The following PACS2 variants were observed in gnomAD, a reference collection of about 807,000 sequenced individuals.
PACS2 encodes the protein PACS1-like protein.
PACS2 carries 36 observed loss-of-function variants against 113.0 expected under a neutral mutation model. That is an observed-to-expected ratio of 0.32 (90% CI 0.24 to 0.42). PACS2 has a LOEUF of 0.42. Among genes scored for constraint, PACS2 ranks in the 10% least tolerant of loss-of-function variants. The pLI is 1.00. For synonymous variants in PACS2, 589 were observed against 536.1 expected (o/e 1.10, Z -1.36); for missense variants, 1,015 against 1,239.5 (o/e 0.82, Z 2.72).
At chr14:105,339,684 A>C (rs2059653588) in intron 1 of PACS2, among the ~76,000 whole-genome samples, 1 of 151,690 alleles carries the variant, frequency 6.6e-6, no homozygotes, top group African/African-American at 2.4e-5. Context: ...TGACAGAGCA[A>C]GATTCTGTCT....
rs782288505 is a variant in PACS2, at chr14:105,392,698, G to T, written c.2335G>T (p.Ala779Ser). ...ACAGCCTGCGGACAGGAAGAGGGAC[G>T]CCGAGAAGAAGGACCTGCCTGTCAC... ...AAQPADRKRD[A>S]EKKDLPVTKN... is the part of the protein sequence containing the mutation. Residue 779 changes from alanine to serine, a missense_variant, in exon 23 of 25, where the codon GCC (alanine) becomes TCC (serine). Physicochemically the swap from Ala to Ser is moderately conservative, Grantham distance 99. Transcript: ENST00000447393. 28 of 1,612,874 alleles carry T rather than the reference G, an allele frequency of 1.7e-5. No individual in the cohort carries two copies. Among genetic ancestry groups the T allele is most frequent in the Non-Finnish European group, 2.3e-5 (27 of 1,179,958 alleles).
Position 105,365,163 on chromosome 14 carries a change from C to T in PACS2, c.424-2050C>T, listed in dbSNP as rs945333772. On this transcript the variant is annotated intron_variant, in intron 4 of 24. Coordinates refer to ENST00000447393, the MANE Select transcript of PACS2 (RefSeq NM_001100913.3). The surrounding 1 kb of genome is among the most constrained non-coding windows in gnomAD (Gnocchi z 5.1). ...CCACAGAGCATCTGCTGGACTAACC[C>T]GGGAGGGTGGTCTCAGGGTCAGCAG... 1.7e-4 allele frequency among the ~76,000 whole-genome samples: 26 copies of T among 152,314 alleles called. No individual in the cohort carries two copies. The highest frequency in any genetic ancestry group is 5.3e-4 in the African/African-American group (22 of 41,574).
chr14:105,352,670 C>T lies in PACS2; in HGVS notation c.297+203C>T, dbSNP rs1375001877. Among the ~76,000 whole-genome samples the T allele has an allele frequency of 2.1e-5, 3 of 145,670 alleles. No homozygotes were observed. In the East Asian group the frequency reaches 6.2e-4, roughly 30 times the overall value. On this transcript the variant is annotated intron_variant, in intron 3 of 24. Coordinates refer to ENST00000447393, the MANE Select transcript of PACS2 (RefSeq NM_001100913.3). ...AGACGGGCACCCCTCATCACCGTCCCCTGGGGCGACGGGCCCCGTCATCCC... is the reference window on the plus strand; with the variant it reads ...AGACGGGCACCCCTCATCACCGTCCTCTGGGGCGACGGGCCCCGTCATCCC...
chr14:105,385,187 A>C (rs1555413288), intron 18 of PACS2, among the ~76,000 whole-genome samples, 200 bp downstream of exon 18: 1 of 152,174 alleles, frequency 6.6e-6, no homozygotes, highest in African/African-American at 2.4e-5. Context: ...CCTCATAGTA[A>C]GCGCCATTTC....
Position 105,354,184 on chromosome 14 carries a change from TTCACAA to T in PACS2, c.298-867_298-862del. Among the ~76,000 whole-genome samples, 3 of 151,992 alleles carry T rather than the reference TTCACAA, an allele frequency of 2.0e-5. No homozygotes were observed. Among genetic ancestry groups the T allele is most frequent in the African/African-American group, 7.3e-5 (3 of 41,366 alleles). On this transcript the variant is annotated intron_variant, in intron 3 of 24. Coordinates refer to ENST00000447393, the MANE Select transcript of PACS2 (RefSeq NM_001100913.3). The surrounding 1 kb of genome is among the most constrained non-coding windows in gnomAD (Gnocchi z 4.2). ...TTAAAAAGATAGGGGAAACTCAGAG[TTCACAA>T]GCAATCCCAGCTCTTCGGGAGGCTG...
intron 8 of PACS2, chr14:105,372,518 C>T (rs2061194552): frequency 6.6e-6 from 1 of 152,140 alleles, no homozygotes; most frequent in African/African-American, 2.4e-5. Context: ...CTGAACTGTA[C>T]ACCTAAAAAT....
chr14:105,369,621 C>T (rs1271808805), intron 7 of PACS2, among the ~76,000 whole-genome samples: 4 of 152,216 alleles, frequency 2.6e-5, no homozygotes, highest in Admixed American at 6.5e-5. Flanking sequence ...AGTCCGCACA[C>T]GCCTCCCCGG....
At chr14:105,333,842 C>G (rs2059397475) in intron 1 of PACS2, among the ~76,000 whole-genome samples, 1 of 152,216 alleles carries the variant, frequency 6.6e-6, no homozygotes, top group African/African-American at 2.4e-5. Context: ...CGGAGGCCTG[C>G]AGTGTGAGGC....
upstream of PACS2, among the ~76,000 whole-genome samples, chr14:105,310,533 C>CAAA (rs764203821): frequency 1.9e-3 from 146 of 78,592 alleles, 1 homozygote; most frequent in Middle Eastern, 9.6e-3. Context: ...GACTCTGTCT[C>CAAA]AAAAAAAAAA....
intron 4 of PACS2, among the ~76,000 whole-genome samples, chr14:105,363,452 G>A (rs782143238): frequency 5.9e-5 from 9 of 152,192 alleles, no homozygotes; most frequent in Non-Finnish European, 1.3e-4. Flanking sequence ...TTTCTGTTAT[G>A]GAGACGGCTG....
intron 1 of PACS2, among the ~76,000 whole-genome samples, chr14:105,303,454 A>G (rs2058094042): frequency 6.6e-6 from 1 of 152,098 alleles, no homozygotes; most frequent in Admixed American, 6.6e-5. Flanking sequence ...TGTGTTAGCC[A>G]GGATGGTCTT....
intron 1 of PACS2, among the ~76,000 whole-genome samples, chr14:105,327,230 C>T (rs1037809763): frequency 6.6e-6 from 1 of 152,148 alleles, no homozygotes; most frequent in African/African-American, 2.4e-5. Context: ...GCCTCAGAAG[C>T]GAGGGGGAAG....
chr14:105,319,167 C>A (rs948549800), intron 1 of PACS2, among the ~76,000 whole-genome samples: 1 of 151,562 alleles, frequency 6.6e-6, no homozygotes, highest in Non-Finnish European at 1.5e-5. Flanking sequence ...AGGATGGTCT[C>A]GATCTCTTGA....
upstream of PACS2, among the ~76,000 whole-genome samples, chr14:105,313,057 G>T (rs143538133): frequency 3.3e-5 from 5 of 152,160 alleles, no homozygotes; most frequent in Admixed American, 3.3e-4. Flanking sequence ...GAGGGGCACC[G>T]CTCAATGGTG....
At chr14:105,307,456 C>T (rs904377957) in intron 1 of PACS2, among the ~76,000 whole-genome samples, 3 of 152,212 alleles carry the variant, frequency 2.0e-5, no homozygotes, top group African/African-American at 4.8e-5. Flanking sequence ...CCTTCACCCC[C>T]TCCCTGTCCT....
intron 1 of PACS2, among the ~76,000 whole-genome samples, chr14:105,327,994 C>G (rs2059184053): frequency 6.6e-6 from 1 of 152,266 alleles, no homozygotes; most frequent in African/African-American, 2.4e-5. Flanking sequence ...CTCACCGGCC[C>G]AGGCCACCCG....
rs2058975502 is a variant in PACS2, at chr14:105,323,503, C to T, written c.119+8466C>T. On this transcript the variant is annotated intron_variant, in intron 1 of 24. Transcript: ENST00000447393. The surrounding 1 kb of genome is among the most constrained non-coding windows in gnomAD (Gnocchi z 4.1). ...TGCTCGGTGCTGCCCAGAGCCTGCA[C>T]AGTGTAGCTCCTTGGCGGACGTTCC... 6.6e-6 allele frequency among the ~76,000 whole-genome samples: 1 copy of T among 152,224 alleles called. No individual in the cohort carries two copies. The highest frequency in any genetic ancestry group is 2.4e-5 in the African/African-American group (1 of 41,452).
Position 105,379,839 on chromosome 14 carries a change from G to T in PACS2, c.1050+10G>T, listed in dbSNP as rs1555411472. On this transcript the variant is annotated intron_variant, in intron 10 of 24. Transcript: ENST00000447393. ...GGAGCCCCCAAGCCCGGTGAGTGGG[G>T]CCACACTGATCTCCCAGAGCAGACC... 1 of 1,610,530 alleles carries T rather than the reference G, an allele frequency of 6.2e-7. No homozygotes were observed. Among genetic ancestry groups the T allele is most frequent in the Admixed American group, 1.7e-5 (1 of 60,026 alleles).
chr14:105,364,771 A>C (rs1268929477), intron 4 of PACS2, among the ~76,000 whole-genome samples: 3 of 136,956 alleles, frequency 2.2e-5, no homozygotes, highest in Non-Finnish European at 4.5e-5. Flanking sequence ...ATCTTGGCTC[A>C]CTGCAGCCTC....
Sources: gnomAD v4.1 joint callset for allele counts (sites outside exome capture counted in the v4.1 genomes callset) on GRCh38, gnomAD v4.1.1 for gene constraint, Gnocchi (gnomAD v3.1) non-coding constraint, MANE v1.5 for transcripts, NCBI Gene and HGNC (gene_info 2026-07-23, HGNC 2026-07-21) for gene names.